The following WNT7A variants were observed in gnomAD, a reference collection of about 807,000 sequenced individuals.
WNT7A encodes the protein protein Wnt-7a.
A neutral mutation model predicts 28.2 loss-of-function variants in WNT7A; 16 were observed. The ratio of observed to expected loss-of-function variants is 0.57; its 90% confidence interval spans 0.38 to 0.86. The LOEUF (loss-of-function observed/expected upper bound fraction) is 0.86. Ranked by LOEUF, WNT7A falls within the 40% of genes least tolerant of loss-of-function variation. WNT7A has a pLI of 0.00. For synonymous variants in WNT7A, 190 were observed against 195.9 expected (o/e 0.97, Z 0.25); for missense variants, 411 against 489.7 (o/e 0.84, Z 1.52).
At chr3:13,824,402 G>A (rs1434083257) in intron 3 of WNT7A, among the ~76,000 whole-genome samples, 1 of 152,134 alleles carries the variant, frequency 6.6e-6, no homozygotes, top group African/African-American at 2.4e-5. Context: ...AAGTTTTCAG[G>A]GTCTGTGCAT....
intron 2 of WNT7A, among the ~76,000 whole-genome samples, chr3:13,858,713 C>T (rs1445944839): frequency 2.6e-5 from 4 of 152,126 alleles, no homozygotes; most frequent in Admixed American, 6.5e-5. Context: ...GTCAAGACAC[C>T]GATGAGGGCC....
intron 3 of WNT7A, among the ~76,000 whole-genome samples, chr3:13,822,449 G>C (rs1191631991): frequency 6.6e-6 from 1 of 152,232 alleles, no homozygotes; most frequent in Non-Finnish European, 1.5e-5. Flanking sequence ...TATATGCTAA[G>C]TGAAAGTAGC....
At position 13,830,958 on chromosome 3, in the gene WNT7A, G is replaced by A. The variant is rs144971350; in HGVS notation, c.571-11535C>T. 5.5e-3 allele frequency among the ~76,000 whole-genome samples: 836 copies of A among 152,286 alleles called. 9 individuals are homozygous for A. Among genetic ancestry groups the A allele is most frequent in the African/African-American group, 0.018 (747 of 41,552 alleles). On this transcript the variant is annotated intron_variant, in intron 3 of 3. Transcript: ENST00000285018. ...GTCTCCTCATGACATGGGCTCAATG[G>A]AACACACCTGGTGATGCAGCAGCTG...
At chr3:13,847,575 A>T (rs867048908) in intron 3 of WNT7A, among the ~76,000 whole-genome samples, 1 of 152,208 alleles carries the variant, frequency 6.6e-6, no homozygotes, top group South Asian at 2.1e-4. Flanking sequence ...GAGGCTAGGG[A>T]GGGTTCCCGG....
intron 3 of WNT7A, among the ~76,000 whole-genome samples, chr3:13,847,684 G>A (rs999888083): frequency 1.3e-5 from 2 of 152,080 alleles, no homozygotes; most frequent in African/African-American, 2.4e-5. Context: ...CAGACATTAC[G>A]CTAACTGAAA....
intron 3 of WNT7A, among the ~76,000 whole-genome samples, chr3:13,848,067 T>TTAAA (rs111474474): frequency 6.6e-6 from 1 of 151,568 alleles, no homozygotes; most frequent in African/African-American, 2.4e-5. Context: ...ATGAATTTTT[T>TTAAA]AAAAAAAACA....
At chr3:13,853,717 A>C (rs1694678998) in intron 3 of WNT7A, among the ~76,000 whole-genome samples, 1 of 152,214 alleles carries the variant, frequency 6.6e-6, no homozygotes, top group East Asian at 1.9e-4. Context: ...TGTGGCTCAC[A>C]GAACACACTC....
At chr3:13,831,994 G>A (rs560459599) in intron 3 of WNT7A, among the ~76,000 whole-genome samples, 2 of 152,070 alleles carry the variant, frequency 1.3e-5, no homozygotes, top group Admixed American at 6.5e-5. Context: ...CCCCAACCCC[G>A]GGAGACAATA....
intron 1 of WNT7A, among the ~76,000 whole-genome samples, chr3:13,877,518 G>A (rs1473515399): frequency 2.0e-5 from 3 of 152,234 alleles, no homozygotes; most frequent in Admixed American, 1.3e-4. Flanking sequence ...GCTGAGAGTG[G>A]ATAGGTTGGC....
rs1436117053 is a variant in WNT7A, at chr3:13,854,683, T to C, written c.419A>G (p.Gln140Arg). 3 of 1,614,172 alleles carry C rather than the reference T, an allele frequency of 1.9e-6. No individual in the cohort carries two copies. The highest frequency in any genetic ancestry group is 1.6e-4 in the Middle Eastern group (1 of 6,062). Residue 140 changes from glutamine (Q) to arginine (R), a missense_variant, in exon 3 of 4, where the codon CAG becomes CGG. By Grantham distance (43) the Gln-to-Arg change is conservative (BLOSUM62 1). Transcript: ENST00000285018. ...DCGCDKEKQGQYHRDEGWKWG... is the reference protein window; with the variant it reads ...DCGCDKEKQGRYHRDEGWKWG... Reference sequence around the variant, plus strand: ...CTTCCAGCCCTCGTCCCGGTGGTACTGGCCTTGCTTCTCTTTGTCGCAGCC... The same window carrying C: ...CTTCCAGCCCTCGTCCCGGTGGTACCGGCCTTGCTTCTCTTTGTCGCAGCC...
intron 2 of WNT7A, among the ~76,000 whole-genome samples, chr3:13,857,601 G>A (rs1012074046): frequency 2.6e-5 from 4 of 152,074 alleles, no homozygotes; most frequent in African/African-American, 7.2e-5. Context: ...GGGCTCCAAG[G>A]CAAGTGGGAA....
At chr3:13,823,351 G>C (rs1694142681) in intron 3 of WNT7A, among the ~76,000 whole-genome samples, 1 of 152,210 alleles carries the variant, frequency 6.6e-6, no homozygotes, top group African/African-American at 2.4e-5. Flanking sequence ...CAGCTTCCCA[G>C]TGCCTGGCAT....
chr3:13,834,461 G>T (rs75760978), intron 3 of WNT7A, among the ~76,000 whole-genome samples: 1,962 of 152,170 alleles, frequency 0.013, 44 homozygotes, highest in African/African-American at 0.045. Context: ...GGAGTCGGGT[G>T]TACGGGGCTC....
intron 2 of WNT7A, among the ~76,000 whole-genome samples, chr3:13,865,488 C>T (rs1694896830): frequency 6.6e-6 from 1 of 152,104 alleles, no homozygotes; most frequent in Non-Finnish European, 1.5e-5. Context: ...ATCAAATTGA[C>T]ATTAAAAAGA....
chr3:13,848,043 A>AT (rs1407762896), intron 3 of WNT7A, among the ~76,000 whole-genome samples: 3 of 149,298 alleles, frequency 2.0e-5, no homozygotes, highest in South Asian at 2.1e-4. Flanking sequence ...ATTTTCATTG[A>AT]TTTTTTTAAA....
At chr3:13,845,113 GT>G (rs1284599970) in intron 3 of WNT7A, among the ~76,000 whole-genome samples, 5 of 152,208 alleles carry the variant, frequency 3.3e-5, no homozygotes, top group Admixed American at 6.5e-5. Flanking sequence ...TTTCAAATGA[GT>G]TCCCAGCTGC....
At chr3:13,838,488 C>T (rs1344619214) in intron 3 of WNT7A, among the ~76,000 whole-genome samples, 1 of 152,244 alleles carries the variant, frequency 6.6e-6, no homozygotes, top group Non-Finnish European at 1.5e-5. Flanking sequence ...CAGGATACCA[C>T]TTAACCTCTC....
intron 3 of WNT7A, among the ~76,000 whole-genome samples, chr3:13,829,332 T>A (rs1178786507): frequency 6.6e-6 from 1 of 152,244 alleles, no homozygotes; most frequent in East Asian, 1.9e-4. Flanking sequence ...TTCTGTTACT[T>A]GCAACCAAAT....
chr3:13,825,147 CTG>C (rs1491588650), intron 3 of WNT7A, among the ~76,000 whole-genome samples: 1 of 152,224 alleles, frequency 6.6e-6, no homozygotes, highest in African/African-American at 2.4e-5. Flanking sequence ...GCAGCTGTCT[CTG>C]GGGAGGACAC....
Sources: allele counts gnomAD v4.1 joint callset (sites outside exome capture counted in the v4.1 genomes callset), GRCh38; gene constraint gnomAD v4.1.1; transcripts MANE v1.5; gene names NCBI Gene and HGNC (gene_info 2026-07-23, HGNC 2026-07-21).